The following RYR3 variants were observed in gnomAD, a reference collection of about 807,000 sequenced individuals.
The protein encoded by RYR3 is brain ryanodine receptor-calcium release channel.
A neutral mutation model predicts 584.3 loss-of-function variants in RYR3; 207 were observed. That is an observed-to-expected ratio of 0.35 (90% CI 0.32 to 0.40). The LOEUF is 0.40. Ranked by LOEUF, RYR3 falls within the 10% of genes least tolerant of loss-of-function variation. The pLI, the probability that RYR3 is intolerant of heterozygous loss-of-function variation, is 1.00. For missense variants in RYR3, 5,616 were observed against 6,089.2 expected, an observed-to-expected ratio of 0.92 and a Z score of 2.59; for synonymous variants, 2,416 against 2,248.5, an observed-to-expected ratio of 1.07 and a Z score of -2.11.
chr15:33,320,179 G>T (rs1305566235), intron 1 of RYR3, among the ~76,000 whole-genome samples: 2 of 152,120 alleles, frequency 1.3e-5, no homozygotes, highest in Non-Finnish European at 2.9e-5. Context: ...ATAGGATCAG[G>T]CTCACAATAC....
At chr15:33,550,985 C>T (rs1017956800) in intron 10 of RYR3, among the ~76,000 whole-genome samples, 6 of 152,154 alleles carry the variant, frequency 3.9e-5, no homozygotes, top group Non-Finnish European at 7.4e-5. Context: ...AGGTTAACCT[C>T]GAATTAATTG....
intron 16 of RYR3, among the ~76,000 whole-genome samples, chr15:33,587,107 G>T (rs1414901201): frequency 6.6e-6 from 1 of 152,110 alleles, no homozygotes; most frequent in East Asian, 1.9e-4. Flanking sequence ...ATCAGCCGTG[G>T]GCAGCAGAAA....
At chr15:33,343,552 G>A (rs148193569) in intron 1 of RYR3, among the ~76,000 whole-genome samples, 1 of 152,004 alleles carries the variant, frequency 6.6e-6, no homozygotes, top group African/African-American at 2.4e-5. Context: ...ATTTTCCTGC[G>A]CTTTCCATCT....
At chr15:33,676,588 G>C (rs899076483) in intron 38 of RYR3, among the ~76,000 whole-genome samples, 12 of 152,246 alleles carry the variant, frequency 7.9e-5, no homozygotes, top group African/African-American at 2.9e-4. Context: ...TGCAGATGGG[G>C]TCAGTGTGGG....
intron 36 of RYR3, among the ~76,000 whole-genome samples, chr15:33,664,589 GTATATATATA>G (rs139063789): frequency 1.8e-4 from 16 of 91,384 alleles, no homozygotes; most frequent in African/African-American, 6.2e-4. Context: ...GTGTGTGTGT[GTATATATATA>G]TATATATATA....
rs1286485411 is a variant in RYR3, at chr15:33,550,245, C to G, written c.901C>G (p.Gln301Glu). The change falls in exon 10 of 104, where the codon CAA becomes GAA. Residue 301 changes from glutamine to glutamate, a missense_variant. Transcript: ENST00000634891. ...TGHYLALTEDQGLILQDRAKS... is the reference protein window; with the variant it reads ...TGHYLALTEDEGLILQDRAKS... ...CCACTACCTGGCCTTGACAGAAGAC[C>G]AAGGCCTTATACTGCAAGACCGGGC... 1 of 1,613,778 alleles carries G rather than the reference C, an allele frequency of 6.2e-7. No homozygotes were observed. The highest frequency in any genetic ancestry group is 8.5e-7 in the Non-Finnish European group (1 of 1,179,800).
chr15:33,777,865 T>A (rs537760653), intron 64 of RYR3, among the ~76,000 whole-genome samples: 1 of 151,902 alleles, frequency 6.6e-6, no homozygotes, highest in South Asian at 2.1e-4. Flanking sequence ...CCTAGGTTCA[T>A]CTCTGTGTAA....
intron 16 of RYR3, among the ~76,000 whole-genome samples, chr15:33,595,456 G>C (rs2059325518): frequency 6.6e-6 from 1 of 152,028 alleles, no homozygotes; most frequent in Non-Finnish European, 1.5e-5. Flanking sequence ...TACTGGTTTT[G>C]CATCAGTTTG....
chr15:33,452,393 C>T (rs1391665683), intron 1 of RYR3, among the ~76,000 whole-genome samples: 1 of 151,962 alleles, frequency 6.6e-6, no homozygotes, highest in African/African-American at 2.4e-5. Flanking sequence ...AGAAAAGCAA[C>T]CAAAGAGAAA....
At chr15:33,705,098 TC>T in intron 42 of RYR3, among the ~76,000 whole-genome samples, 1 of 103,800 alleles carries the variant, frequency 9.6e-6, no homozygotes, top group African/African-American at 3.5e-5. Flanking sequence ...GCACACACAC[TC>T]TTTCTCTCTC....
intron 3 of RYR3, among the ~76,000 whole-genome samples, chr15:33,505,894 C>T (rs1312688401): frequency 1.3e-5 from 2 of 152,138 alleles, no homozygotes; most frequent in African/African-American, 4.8e-5. Flanking sequence ...TCACCACTTT[C>T]AGTATCAAAC....
At chr15:33,765,272 G>A (rs904001485) in intron 60 of RYR3, among the ~76,000 whole-genome samples, 1 of 152,000 alleles carries the variant, frequency 6.6e-6, no homozygotes, top group African/African-American at 2.4e-5. Flanking sequence ...GGTTCTCTCT[G>A]TATTTTATTA....
chr15:33,706,861 GTTT>G, intron 42 of RYR3, 55 bp from the exon 43 acceptor site: 1 of 1,504,388 alleles, frequency 6.6e-7, no homozygotes, highest in East Asian at 2.5e-5. Context: ...TTTGAGGTGT[GTTT>G]TTTAATAGCC....
At position 33,865,315 on chromosome 15, in the gene RYR3, T is replaced by C. The variant is rs544574461; in HGVS notation, c.*89T>C. ...TTACAGTTCTGCAACATATCTGAAATGTGACATTTTCTAAATGCCTCCCTT... is the reference window on the plus strand; with the variant it reads ...TTACAGTTCTGCAACATATCTGAAACGTGACATTTTCTAAATGCCTCCCTT... On this transcript the variant is annotated 3_prime_UTR_variant, in exon 104 of 104. Transcript: ENST00000634891. The C allele has an allele frequency of 1.8e-4, 157 of 873,310 alleles. No individual in the cohort carries two copies. Among genetic ancestry groups the C allele is most frequent in the Non-Finnish European group, 2.4e-4 (135 of 561,206 alleles). 54.1% of individuals were successfully genotyped at this position (873,310 alleles called of 1,614,324 possible). A position where few individuals can be genotyped will look rare whatever the true frequency, so the allele number is the denominator to read the frequency against.
chr15:33,542,429 C>T (rs1326122844), intron 7 of RYR3, among the ~76,000 whole-genome samples: 1 of 152,090 alleles, frequency 6.6e-6, no homozygotes, highest in African/African-American at 2.4e-5. Context: ...AATAAATTAG[C>T]TGTTAAGAAT....
At chr15:33,371,649 C>T (rs1208519726) in intron 1 of RYR3, among the ~76,000 whole-genome samples, 1 of 152,188 alleles carries the variant, frequency 6.6e-6, no homozygotes, top group Non-Finnish European at 1.5e-5. Context: ...GACAAGACAG[C>T]AGAGAAAAGT....
chr15:33,512,418 C>T (rs919274743), intron 3 of RYR3, among the ~76,000 whole-genome samples: 1 of 152,172 alleles, frequency 6.6e-6, no homozygotes, highest in Non-Finnish European at 1.5e-5. Flanking sequence ...GAGTTAGAAG[C>T]CTTTTCAAGT....
intron 23 of RYR3, among the ~76,000 whole-genome samples, chr15:33,632,094 A>G (rs2061297290): frequency 6.6e-6 from 1 of 152,236 alleles, no homozygotes; most frequent in Non-Finnish European, 1.5e-5. Context: ...CAGCATCCTG[A>G]AAAGGTGGAT....
rs139347124 is a variant in RYR3, at chr15:33,629,658, A to C, written c.2680-282A>C. Among the ~76,000 whole-genome samples, 526 of 152,362 alleles carry C rather than the reference A, an allele frequency of 3.5e-3. 3 individuals carry two copies. Among genetic ancestry groups the C allele is most frequent in the African/African-American group, 0.012 (484 of 41,594 alleles). ...GTTACATGAATTTTGGAGGAACAAG[A>C]GCATGGCTGCCACATGTAGCACTGC... is the stretch of plus-strand genomic sequence containing the variant. On this transcript the variant is annotated intron_variant, in intron 21 of 103. Transcript: ENST00000634891.
Sources: allele counts gnomAD v4.1 joint callset (sites outside exome capture counted in the v4.1 genomes callset), GRCh38; gene constraint gnomAD v4.1.1; transcripts MANE v1.5; gene names NCBI Gene and HGNC (gene_info 2026-07-23, HGNC 2026-07-21).